Variants in SLC5A6 observed in about 807,000 individuals in gnomAD.
SLC5A6 encodes solute carrier family 5 member 6, also known as sodium-dependent multivitamin transporter.
A neutral mutation model predicts 67.9 loss-of-function variants in SLC5A6; 31 were observed. That is an observed-to-expected ratio of 0.46 (90% CI 0.34 to 0.62). The LOEUF (loss-of-function observed/expected upper bound fraction) is 0.62, where lower values mean the gene tolerates loss of function less well. Among genes scored for constraint, SLC5A6 ranks in the 20% least tolerant of loss-of-function variants. The probability of loss-of-function intolerance (pLI) is 0.01; values close to 1 mark genes in which losing one functional copy is unlikely to be tolerated. For missense variants in SLC5A6, 673 were observed against 812.8 expected (o/e 0.83, Z 2.09); for synonymous variants, 343 against 331.0 (o/e 1.04, Z -0.39).
chr2:27,212,243 C>T lies in SLC5A6; in HGVS notation c.-431G>A. ...AGAGCTCCACGAGCAGGAAAAGCCC[C>T]CAAGCAGCCCCAGGGCGACTGGACC... On this transcript the variant is annotated 5_prime_UTR_variant, in exon 1 of 17. Coordinates refer to ENST00000310574, the MANE Select transcript of SLC5A6 (RefSeq NM_021095.4). 2 of 1,560,918 alleles carry T rather than the reference C, an allele frequency of 1.3e-6. No individual in the cohort carries two copies. Among genetic ancestry groups the T allele is most frequent in the East Asian group, 2.3e-5 (1 of 42,670 alleles).
chr2:27,203,283 C>T lies in SLC5A6; in HGVS notation c.1157G>A (p.Trp386Ter). 1 of 1,614,100 alleles carries T rather than the reference C, an allele frequency of 6.2e-7. No homozygotes were observed. The highest frequency in any genetic ancestry group is 8.5e-7 in the Non-Finnish European group (1 of 1,179,994). Residue 386 changes from tryptophan (W) to a stop codon, truncating the protein, a stop_gained, in exon 11 of 17, where the codon TGG becomes TAG. Transcript: ENST00000310574. LOFTEE classifies it high-confidence loss of function. ...CCGGGCTTCAGAGAACTCAGGGAAC[C>T]AAGGTCGAATCAGGTCTTCCATCGT... ...TVTMEDLIRP[W>*]FPEFSEARAI...
At chr2:27,205,065 A>G in intron 7 of SLC5A6, 134 bp from the exon 8 acceptor site, 1 of 1,044,946 alleles carries the variant, frequency 9.6e-7, no homozygotes, top group Admixed American at 2.2e-5. Context: ...GAAAGCAAGA[A>G]GCTGGGTGCA....
At chr2:27,202,957 C>T in intron 11 of SLC5A6, 77 bp from the exon 12 acceptor site, 1 of 1,580,676 alleles carries the variant, frequency 6.3e-7, no homozygotes, top group Non-Finnish European at 8.6e-7. Flanking sequence ...GGCTCCCTGC[C>T]CAGCCAAACT....
chr2:27,204,885 A>T lies in SLC5A6; in HGVS notation c.781T>A (p.Phe261Ile), dbSNP rs766708336. Residue 261 changes from phenylalanine (F) to isoleucine (I), a missense_variant, in exon 8 of 17, where the codon TTC becomes ATC. Phe to Ile is a conservative substitution (Grantham distance 21). Transcript: ENST00000310574. ...GAGAGCATCATGAAGACACCCCCGAAGGCCAAGGTCCAGAAGGTGTGCCGC... is the reference window on the plus strand; with the variant it reads ...GAGAGCATCATGAAGACACCCCCGATGGCCAAGGTCCAGAAGGTGTGCCGC... ...FVRHTFWTLA[F>I]GGVFMMLSLY... 1.2e-6 allele frequency: 2 copies of T among 1,614,118 alleles called. No homozygotes were observed. Among genetic ancestry groups the T allele is most frequent in the Non-Finnish European group, 1.7e-6 (2 of 1,180,020 alleles).
intron 8 of SLC5A6, 83 bp from the exon 9 acceptor site, chr2:27,204,673 C>T: frequency 6.3e-7 from 1 of 1,597,402 alleles, no homozygotes; most frequent in Admixed American, 1.7e-5. Flanking sequence ...AGAAAGGAGA[C>T]CCACATCCTG....
At chr2:27,202,503 CAAAAAAAAAAAA>C (rs10638396) in intron 12 of SLC5A6, among the ~76,000 whole-genome samples, 1 of 72,284 alleles carries the variant, frequency 1.4e-5, no homozygotes, top group Non-Finnish European at 2.3e-5. Context: ...GACTCTGTCT[CAAAAAAAAAAAA>C]AAAAAAAAAA....
upstream of SLC5A6, chr2:27,212,297 G>C (rs11556163): frequency 1.3e-6 from 2 of 1,551,092 alleles, no homozygotes; most frequent in Non-Finnish European, 1.7e-6. Context: ...CCGGGGAAGA[G>C]GGCCTGACGC....
chr2:27,203,392 A>G (rs1220586487), intron 10 of SLC5A6, 47 bp from the exon 11 acceptor site: 1 of 1,534,330 alleles, frequency 6.5e-7, no homozygotes, highest in Non-Finnish European at 9.0e-7. Flanking sequence ...CAAAATTGTC[A>G]GCTCTATGGG....
intron 12 of SLC5A6, among the ~76,000 whole-genome samples, chr2:27,202,288 G>C (rs538657096): frequency 6.6e-6 from 1 of 152,014 alleles, no homozygotes; most frequent in Non-Finnish European, 1.5e-5. Context: ...GATCACCTGA[G>C]GTCAGGAGCT....
chr2:27,200,674 C>A, intron 16 of SLC5A6, 95 bp from the exon 17 acceptor site: 1 of 1,356,960 alleles, frequency 7.4e-7, no homozygotes, highest in Non-Finnish European at 1.0e-6. Context: ...AGAAGGGAGC[C>A]CAGCAAGGCT....
At chr2:27,211,940 G>A in intron 1 of SLC5A6, 80 bp downstream of exon 1, 1 of 453,550 alleles carries the variant, frequency 2.2e-6, no homozygotes, top group Non-Finnish European at 3.8e-6. Context: ...GCCCGGCCGA[G>A]AGCCCTGGCC....
chr2:27,207,068 A>G lies in SLC5A6; in HGVS notation c.394-126T>C. The G allele has an allele frequency of 9.7e-7, 1 of 1,026,288 alleles. No homozygotes were observed. Among genetic ancestry groups the G allele is most frequent in the South Asian group, 1.3e-5 (1 of 75,532 alleles). 63.6% of individuals were successfully genotyped at this position (1,026,288 alleles called of 1,614,324 possible). On this transcript the variant is annotated intron_variant, in intron 3 of 16. Transcript: ENST00000310574. The surrounding 1 kb of genome is among the most constrained non-coding windows in gnomAD (Gnocchi z 5.5). ...ATACCCACTCTGAGTCCTACTCGGC[A>G]TAGCACCCTCCTCTCCAATCCTGCC...
upstream of SLC5A6, chr2:27,212,473 G>A (rs770036360): frequency 1.3e-6 from 2 of 1,560,636 alleles, no homozygotes; most frequent in South Asian, 2.4e-5. Flanking sequence ...CCGAGGTACA[G>A]AAGCAAGTTT....
Position 27,212,012 on chromosome 2 carries a change from A to C in SLC5A6, c.-208+8T>G. 91 of 486,294 alleles carry C rather than the reference A, an allele frequency of 1.9e-4. No homozygotes were observed. The highest frequency in any genetic ancestry group is 2.2e-4 in the Non-Finnish European group (67 of 299,718). The allele number at this position is 486,294 out of a possible 1,614,324, so 30.1% of individuals were successfully genotyped here. ...TGCCCGCCCCGCTCGCCGTGCCGCCATGTTTACTGAGGGCGGATGGAGGGG... is the reference window on the plus strand; with the variant it reads ...TGCCCGCCCCGCTCGCCGTGCCGCCCTGTTTACTGAGGGCGGATGGAGGGG... On this transcript the variant is annotated splice_region_variant and intron_variant, in intron 1 of 16. Transcript: ENST00000310574.
At position 27,200,279 on chromosome 2, in the gene SLC5A6, C is replaced by G. The variant is rs1411287067; in HGVS notation, c.*157G>C. The G allele has an allele frequency of 1.6e-6, 1 of 609,306 alleles. No homozygotes were observed. Among genetic ancestry groups the G allele is most frequent in the Non-Finnish European group, 2.6e-6 (1 of 381,564 alleles). 37.7% of individuals were successfully genotyped at this position (609,306 alleles called of 1,614,324 possible). Reference sequence around the variant, plus strand: ...CATGCTTGAGATGTGACAGCTTCTCCTGCAGGCAAGAACCTCTCAGAACAA... The same window carrying G: ...CATGCTTGAGATGTGACAGCTTCTCGTGCAGGCAAGAACCTCTCAGAACAA... On this transcript the variant is annotated 3_prime_UTR_variant, in exon 17 of 17. Transcript: ENST00000310574.
chr2:27,205,436 T>C lies in SLC5A6; in HGVS notation c.648A>G (p.Ala216=). 3.1e-6 allele frequency: 5 copies of C among 1,614,122 alleles called. No individual in the cohort carries two copies. Among genetic ancestry groups the C allele is most frequent in the Non-Finnish European group, 4.2e-6 (5 of 1,179,964 alleles). The part of the protein sequence containing the change: ...QTLVMFLGQL[A]VIIVGSAKVG... The stretch of plus-strand genomic sequence containing the variant: ...CCTTGGCTGACCCCACAATGATAAC[T>C]GCCAGCTGCCCGAGGAACATGACCA... Residue 216 remains alanine, a synonymous_variant, in exon 7 of 17, where the codon GCA becomes GCG. Coordinates refer to ENST00000310574, the MANE Select transcript of SLC5A6 (RefSeq NM_021095.4).
At position 27,212,014 on chromosome 2, in the gene SLC5A6, G is replaced by C. The variant is rs1008634495; in HGVS notation, c.-208+6C>G. 4.6e-6 allele frequency: 3 copies of C among 657,200 alleles called. No homozygotes were observed. The East Asian group carries it at 1.1e-4, about 24-fold the overall frequency. 40.7% of individuals were successfully genotyped at this position (657,200 alleles called of 1,614,324 possible). On this transcript the variant is annotated splice_donor_region_variant and intron_variant, in intron 1 of 16. Coordinates refer to ENST00000310574, the MANE Select transcript of SLC5A6 (RefSeq NM_021095.4). ...CCCGCCCCGCTCGCCGTGCCGCCAT[G>C]TTTACTGAGGGCGGATGGAGGGGCC...
Position 27,204,820 on chromosome 2 carries a change from G to A in SLC5A6, c.846C>T (p.Leu282=). ...CAGCAGCCTTCTCCGTGCGGGAACT[G>A]AGGTACCGCTGCACCTGAGCCTGGT... ...GVNQAQVQRY[L]SSRTEKAAVL... is the part of the protein sequence containing the mutation. Residue 282 remains leucine, a synonymous_variant, in exon 8 of 17, where the codon CTC becomes CTT. Transcript: ENST00000310574. 6.2e-7 allele frequency: 1 copy of A among 1,614,162 alleles called. No individual in the cohort carries two copies. Among genetic ancestry groups the A allele is most frequent in the Non-Finnish European group, 8.5e-7 (1 of 1,180,004 alleles).
Position 27,201,381 on chromosome 2 carries a change from A to G in SLC5A6, c.1617T>C (p.Ile539=). 1 of 1,613,032 alleles carries G rather than the reference A, an allele frequency of 6.2e-7. No individual in the cohort carries two copies. Among genetic ancestry groups the G allele is most frequent in the Non-Finnish European group, 8.5e-7 (1 of 1,179,026 alleles). The part of the protein sequence containing the change: ...WYSAHNSTTV[I]VVGLIVSLLT... ...GTAGACTGACAATCAGGCCCACCAC[A>G]ATCACTGTGGTGGAGTTGTGAGCAC... Residue 539 remains isoleucine (I), a synonymous_variant, in exon 15 of 17, where the codon ATT becomes ATC. Transcript: ENST00000310574.
Sources: allele counts gnomAD v4.1 joint callset (sites outside exome capture counted in the v4.1 genomes callset), GRCh38; gene constraint gnomAD v4.1.1; non-coding constraint Gnocchi (gnomAD v3.1); transcripts MANE v1.5; gene names NCBI Gene and HGNC (gene_info 2026-07-23, HGNC 2026-07-21).